IL12RB2: variants seen among roughly 807,000 people sequenced by gnomAD.
IL12RB2 encodes interleukin 12 receptor subunit beta 2.
Under a neutral mutation model 89.4 loss-of-function variants are expected in IL12RB2, and 82 were observed. The ratio of observed to expected loss-of-function variants is 0.92; its 90% CI spans 0.77 to 1.10. IL12RB2 has a LOEUF of 1.10. Ranked by LOEUF, IL12RB2 falls within the 50% of genes least tolerant of loss-of-function variation. The pLI is 0.00. For missense variants in IL12RB2, 963 were observed against 1,031.9 expected (o/e 0.93, Z 0.92); for synonymous variants, 368 against 370.1 (o/e 0.99, Z 0.07).
intron 14 of IL12RB2, among the ~76,000 whole-genome samples, chr1:67,384,174 C>A (rs1430939528): frequency 6.6e-6 from 1 of 152,230 alleles, no homozygotes; most frequent in Non-Finnish European, 1.5e-5. Flanking sequence ...AAGGGCTCCG[C>A]CCCTGCAGCA....
intron 9 of IL12RB2, among the ~76,000 whole-genome samples, chr1:67,348,180 G>GA (rs993444705): frequency 1.3e-5 from 2 of 152,074 alleles, no homozygotes; most frequent in East Asian, 3.9e-4. Context: ...GCTAACTCTG[G>GA]AAAAAAAGGG....
At chr1:67,342,181 G>A (rs999566855) in intron 9 of IL12RB2, among the ~76,000 whole-genome samples, 7 of 152,070 alleles carry the variant, frequency 4.6e-5, no homozygotes, top group Admixed American at 3.9e-4. Flanking sequence ...GAGCAAGGGC[G>A]TGTGTGGTGG....
intron 7 of IL12RB2, 56 bp from the exon 8 acceptor site, chr1:67,330,604 T>C (rs1281998989): frequency 1.2e-6 from 1 of 843,124 alleles, no homozygotes; most frequent in Non-Finnish European, 2.0e-6. Flanking sequence ...ATGTTAAAAT[T>C]CCTTAAATTA....
At chr1:67,319,585 C>T (rs1288944883) in intron 2 of IL12RB2, among the ~76,000 whole-genome samples, 1 of 152,090 alleles carries the variant, frequency 6.6e-6, no homozygotes, top group Non-Finnish European at 1.5e-5. Context: ...GGTCAAACTA[C>T]TCTGTATGGT....
At chr1:67,320,645 A>C (rs115597659) in intron 3 of IL12RB2, among the ~76,000 whole-genome samples, 1 of 152,192 alleles carries the variant, frequency 6.6e-6, no homozygotes, top group Non-Finnish European at 1.5e-5. Flanking sequence ...ATAAGGGTCC[A>C]ATTATTTTAT....
At chr1:67,342,277 C>A (rs939679540) in intron 9 of IL12RB2, among the ~76,000 whole-genome samples, 1 of 151,536 alleles carries the variant, frequency 6.6e-6, no homozygotes, top group Non-Finnish European at 1.5e-5. Context: ...ATGCAAGAAA[C>A]GCCCACCACT....
rs1657969074 is a variant in IL12RB2 at position 67,330,730 on chromosome 1, A to G, written c.878A>G (p.Gln293Arg). 6.5e-7 allele frequency: 1 copy of G among 1,530,996 alleles called. No individual in the cohort carries two copies. The highest frequency in any genetic ancestry group is 1.7e-5 in the Admixed American group (1 of 59,930). The allele number at this position is 1,530,996 out of a possible 1,614,324, so 94.8% of individuals were successfully genotyped here. ...AAACCATTTACAGAATATGAATTTC[A>G]GATTTCCTCTAAGCTACATCTTTAT... ...DLKPFTEYEF[Q>R]ISSKLHLYKG... Residue 293 changes from glutamine (Q) to arginine (R), a missense_variant, in exon 8 of 17, where the codon CAG becomes CGG. Transcript: ENST00000674203.
intron 4 of IL12RB2, among the ~76,000 whole-genome samples, chr1:67,324,094 T>A (rs985907795): frequency 6.6e-6 from 1 of 152,218 alleles, no homozygotes; most frequent in African/African-American, 2.4e-5. Context: ...GTTAATATAG[T>A]ATTCTATATG....
intron 16 of IL12RB2, among the ~76,000 whole-genome samples, chr1:67,393,765 T>C (rs182377964): frequency 3.5e-4 from 53 of 152,222 alleles, no homozygotes; most frequent in African/African-American, 1.2e-3. Context: ...AACTTGTCAT[T>C]GGACAAATGA....
chr1:67,319,901 C>T (rs1342371688), intron 2 of IL12RB2, among the ~76,000 whole-genome samples: 3 of 152,268 alleles, frequency 2.0e-5, no homozygotes, highest in Middle Eastern at 3.4e-3. Flanking sequence ...TCCGTTGTCC[C>T]TTCCACCATG....
Position 67,395,945 on chromosome 1 carries a change from C to T in IL12RB2, c.2445C>T (p.Leu815=), listed in dbSNP as rs1392053905. 8 of 1,611,184 alleles carry T rather than the reference C, an allele frequency of 5.0e-6. No individual in the cohort carries two copies. Among genetic ancestry groups the T allele is most frequent in the South Asian group, 4.4e-5 (4 of 91,048 alleles). The part of the protein sequence containing the change: ...IDDLPSHEAP[L]ADSLEELEPQ... ...ACCTCCCCTCACATGAGGCACCTCT[C>T]GCTGACTCTCTGGAAGAACTGGAGC... is the stretch of plus-strand genomic sequence containing the variant. Residue 815 remains leucine (L), a synonymous_variant, in exon 17 of 17, where the codon CTC becomes CTT. Coordinates refer to ENST00000674203, the MANE Select transcript of IL12RB2 (RefSeq NM_001374259.2).
At chr1:67,374,476 C>CT (rs34836285) in intron 13 of IL12RB2, among the ~76,000 whole-genome samples, 320 of 136,542 alleles carry the variant, frequency 2.3e-3, no homozygotes, top group Middle Eastern at 7.8e-3. Context: ...TCTGTTTATT[C>CT]TTTTTTTTTT....
intron 14 of IL12RB2, among the ~76,000 whole-genome samples, chr1:67,381,622 C>T (rs927022377): frequency 2.6e-5 from 4 of 151,900 alleles, no homozygotes; most frequent in African/African-American, 7.3e-5. Flanking sequence ...AAAAATTAGC[C>T]GGGCATGGTG....
intron 2 of IL12RB2, among the ~76,000 whole-genome samples, chr1:67,318,665 G>C (rs1351963474): frequency 6.6e-6 from 1 of 152,092 alleles, no homozygotes; most frequent in Non-Finnish European, 1.5e-5. Flanking sequence ...GATAGAAAAG[G>C]CTGAAGGAAG....
chr1:67,369,922 T>C (rs900708107), intron 11 of IL12RB2, among the ~76,000 whole-genome samples: 3 of 148,930 alleles, frequency 2.0e-5, no homozygotes, highest in Non-Finnish European at 4.4e-5. Context: ...CTTGGGAGGC[T>C]AAGGCAAGAT....
intron 10 of IL12RB2, among the ~76,000 whole-genome samples, chr1:67,355,729 A>G (rs1402823472): frequency 6.6e-6 from 1 of 152,222 alleles, no homozygotes; most frequent in African/African-American, 2.4e-5. Flanking sequence ...AGAAGCTCTC[A>G]GTGAAAATGG....
intron 4 of IL12RB2, among the ~76,000 whole-genome samples, chr1:67,322,697 A>G (rs548600561): frequency 1.3e-5 from 2 of 152,268 alleles, no homozygotes; most frequent in African/African-American, 4.8e-5. Flanking sequence ...ACTATCTCCC[A>G]CTGGCCAAAG....
rs554372195 is a variant in IL12RB2, at chr1:67,393,442, T to C, written c.2047-2105T>C. On this transcript the variant is annotated intron_variant, in intron 16 of 16. Transcript: ENST00000674203. ...ACGGCAGAGCAAACACCTCACCTTG[T>C]GAAAACGACAAGCCATTTCCGCACA... is the stretch of plus-strand genomic sequence containing the variant. 3.2e-3 allele frequency among the ~76,000 whole-genome samples: 484 copies of C among 152,324 alleles called. 2 individuals carry two copies. Among genetic ancestry groups the C allele is most frequent in the African/African-American group, 0.011 (467 of 41,576 alleles).
intron 7 of IL12RB2, among the ~76,000 whole-genome samples, chr1:67,330,005 C>G (rs1403211840): frequency 1.3e-5 from 2 of 151,932 alleles, no homozygotes; most frequent in East Asian, 3.9e-4. Flanking sequence ...ATTATTTACC[C>G]TGTCCTGTTA....
Sources: gnomAD v4.1 joint callset for allele counts (sites outside exome capture counted in the v4.1 genomes callset) on GRCh38, gnomAD v4.1.1 for gene constraint, MANE v1.5 for transcripts, NCBI Gene and HGNC (gene_info 2026-07-23, HGNC 2026-07-21) for gene names.